Variants in SLC22A13 observed in about 807,000 individuals in gnomAD.
SLC22A13 encodes the protein solute carrier family 22 member 13.
A neutral mutation model predicts 49.1 loss-of-function variants in SLC22A13; 42 were observed. The ratio of observed to expected loss-of-function variants is 0.85; its 90% CI spans 0.67 to 1.11. The LOEUF is 1.11. Among genes scored for constraint, SLC22A13 ranks in the 50% least tolerant of loss-of-function variants. SLC22A13 has a pLI of 0.00. For synonymous variants in SLC22A13, 282 were observed against 293.1 expected, an observed-to-expected ratio of 0.96 and a Z score of 0.39; for missense variants, 694 against 712.8, an observed-to-expected ratio of 0.97 and a Z score of 0.30.
At chr3:38,274,396 A>T in intron 2 of SLC22A13, 21 bp downstream of exon 2, 1 of 1,595,152 alleles carries the variant, frequency 6.3e-7, no homozygotes. Flanking sequence ...TGCCCTGCCC[A>T]CTCCCTGCCT....
intron 1 of SLC22A13, among the ~76,000 whole-genome samples, chr3:38,269,908 C>T (rs952577455): frequency 7.2e-6 from 1 of 137,996 alleles, no homozygotes; most frequent in Admixed American, 7.6e-5. Flanking sequence ...TGATGTTCCC[C>T]TTCCTGTGTC....
chr3:38,269,962 A>G (rs954778673), intron 1 of SLC22A13, among the ~76,000 whole-genome samples: 2 of 145,638 alleles, frequency 1.4e-5, no homozygotes, highest in African/African-American at 5.1e-5. Flanking sequence ...GTGAGAATAT[A>G]CGGTGTTTGG....
chr3:38,269,874 C>T (rs552898165), intron 1 of SLC22A13, among the ~76,000 whole-genome samples: 1 of 122,236 alleles, frequency 8.2e-6, no homozygotes, highest in African/African-American at 3.0e-5. Flanking sequence ...CCCCTCCCCC[C>T]ACCCCACAAC....
intron 1 of SLC22A13, among the ~76,000 whole-genome samples, chr3:38,267,612 C>T (rs768327879): frequency 5.9e-5 from 9 of 152,298 alleles, no homozygotes; most frequent in African/African-American, 1.7e-4. Flanking sequence ...TTCATGCAAC[C>T]GTATTCAGCC....
intron 3 of SLC22A13, 106 bp from the exon 4 acceptor site, chr3:38,274,883 G>A: frequency 1.9e-6 from 3 of 1,550,828 alleles, no homozygotes; most frequent in South Asian, 1.2e-5. Context: ...TCGCACTGGT[G>A]CTTCCTGTGT....
At chr3:38,266,744 T>C (rs1703467853) in intron 1 of SLC22A13, among the ~76,000 whole-genome samples, 1 of 152,222 alleles carries the variant, frequency 6.6e-6, no homozygotes, top group African/African-American at 2.4e-5. Flanking sequence ...TCTGCCAGCC[T>C]GCCCTTGGGA....
At position 38,275,991 on chromosome 3, in the gene SLC22A13, T is replaced by A; in HGVS notation, c.1132T>A (p.Cys378Ser). 1 of 1,614,200 alleles carries A rather than the reference T, an allele frequency of 6.2e-7. No homozygotes were observed. Among genetic ancestry groups the A allele is most frequent in the Non-Finnish European group, 8.5e-7 (1 of 1,180,022 alleles). Residue 378 changes from cysteine to serine, a missense_variant, in exon 7 of 10, where the codon TGT (cysteine) becomes AGT (serine). Cys to Ser is a moderately radical substitution (Grantham distance 112). Transcript: ENST00000311856. The stretch of plus-strand genomic sequence containing the variant: ...TGGAGCTGTTGAGGTGCCTGCCCGC[T>A]GTTCCAGCATCTTCATGATGCAGAG... Reference protein sequence around the residue: ...IFGAVEVPARCSSIFMMQRFG... With the variant: ...IFGAVEVPARSSSIFMMQRFG...
intron 7 of SLC22A13, 38 bp from the exon 8 acceptor site, chr3:38,276,248 GT>G: frequency 6.4e-7 from 1 of 1,559,528 alleles, no homozygotes; most frequent in Non-Finnish European, 8.8e-7. Flanking sequence ...TGGGACCGGC[GT>G]CAGGGCCCAG....
Position 38,276,285 on chromosome 3 carries a change from A to G in SLC22A13, c.1238-2A>G, listed in dbSNP as rs780438743. ...GTGATGGGGCTGTCTACCCTCTGCC[A>G]GATCTGCCCGTGGTGGTCACCATGC... On this transcript the variant is annotated splice_acceptor_variant, in intron 7 of 9. Coordinates refer to ENST00000311856, the MANE Select transcript of SLC22A13 (RefSeq NM_004256.4). LOFTEE classifies it high-confidence loss of function. The G allele has an allele frequency of 4.8e-5, 77 of 1,610,024 alleles. No homozygotes were observed. The highest frequency in any genetic ancestry group is 6.1e-5 in the Non-Finnish European group (72 of 1,177,704).
At chr3:38,276,529 GACA>G in intron 8 of SLC22A13, 134 bp downstream of exon 8, 1 of 658,456 alleles carries the variant, frequency 1.5e-6, no homozygotes, top group South Asian at 1.9e-5. Flanking sequence ...CAGGGTCCAG[GACA>G]ACTAGAAATC....
chr3:38,277,163 G>T (rs529722606), intron 9 of SLC22A13, 36 bp downstream of exon 9: 1 of 1,493,780 alleles, frequency 6.7e-7, no homozygotes, highest in Non-Finnish European at 9.1e-7. Context: ...CACGACTTGG[G>T]TCTCACATTG....
chr3:38,277,416 G>A lies in SLC22A13; in HGVS notation c.1607G>A (p.Gly536Glu), dbSNP rs756354451. 1 of 1,614,152 alleles carries A rather than the reference G, an allele frequency of 6.2e-7. No homozygotes were observed. Among genetic ancestry groups the A allele is most frequent in the Non-Finnish European group, 8.5e-7 (1 of 1,179,984 alleles). ...VPSEKETEAKGRTSSPGVAFV... is the reference protein window; with the variant it reads ...VPSEKETEAKERTSSPGVAFV... ...TCAGAGAAGGAAACAGAGGCCAAGG[G>A]AAGAACTTCCAGCCCGGGAGTGGCC... Residue 536 changes from glycine (G) to glutamate (E), a missense_variant, in exon 10 of 10, where the codon GGA becomes GAA. Gly to Glu is a moderately conservative substitution (Grantham distance 98). Coordinates refer to ENST00000311856, the MANE Select transcript of SLC22A13 (RefSeq NM_004256.4).
chr3:38,269,405 G>A (rs945084808), intron 1 of SLC22A13, among the ~76,000 whole-genome samples: 1 of 152,070 alleles, frequency 6.6e-6, no homozygotes, highest in Non-Finnish European at 1.5e-5. Flanking sequence ...CTACAGGCAT[G>A]CACCACCATG....
intron 1 of SLC22A13, 70 bp downstream of exon 1, chr3:38,266,308 C>G: frequency 6.5e-7 from 1 of 1,547,776 alleles, no homozygotes; most frequent in Non-Finnish European, 8.8e-7. Context: ...GACTCTTCGC[C>G]CTCAGTCACT....
rs200811458 is a variant in SLC22A13 at position 38,275,119 on chromosome 3, C to T, written c.768C>T (p.Thr256=). 112 of 1,614,240 alleles carry T rather than the reference C, an allele frequency of 6.9e-5. No homozygotes were observed. The highest frequency in any genetic ancestry group is 5.4e-4 in the South Asian group (49 of 91,080). ...GFRNWRLLQI[T]GTAPGLLLFF... ...GCAACTGGAGGCTCCTTCAGATCAC[C>T]GGCACTGCGCCTGGCTTACTGCTCT... The change falls in exon 4 of 10, where the codon ACC becomes ACT. Residue 256 remains threonine (T), a synonymous_variant. Transcript: ENST00000311856.
intron 9 of SLC22A13, 101 bp from the exon 10 acceptor site, chr3:38,277,271 G>A (rs1466995950): frequency 2.6e-6 from 3 of 1,149,112 alleles, no homozygotes; most frequent in African/African-American, 3.1e-5. Flanking sequence ...CATCTGGCTG[G>A]CTTTAGTTCA....
At chr3:38,275,710 G>T in intron 6 of SLC22A13, 38 bp downstream of exon 6, 1 of 1,594,456 alleles carries the variant, frequency 6.3e-7, no homozygotes, top group South Asian at 1.1e-5. Context: ...CCACAGGGCT[G>T]CAGCCTCCCT....
At chr3:38,275,518 C>T in intron 5 of SLC22A13, 28 bp downstream of exon 5, 3 of 1,614,138 alleles carry the variant, frequency 1.9e-6, no homozygotes, top group Non-Finnish European at 2.5e-6. Flanking sequence ...AGGCCCAGGC[C>T]CAGAATCAGA....
chr3:38,266,302 C>G (rs1387059314), intron 1 of SLC22A13, 64 bp downstream of exon 1: 4 of 1,554,488 alleles, frequency 2.6e-6, no homozygotes, highest in Non-Finnish European at 3.5e-6. Context: ...GTGCCTGACT[C>G]TTCGCCCTCA....
Sources: allele counts gnomAD v4.1 joint callset (sites outside exome capture counted in the v4.1 genomes callset), GRCh38; gene constraint gnomAD v4.1.1; transcripts MANE v1.5; gene names NCBI Gene and HGNC (gene_info 2026-07-23, HGNC 2026-07-21).